THSD4: variants seen among roughly 807,000 people sequenced by gnomAD.
THSD4 encodes thrombospondin type-1 domain-containing protein 4.
In THSD4, 69 loss-of-function variants were observed where a neutral mutation model predicts 119.0. The ratio of observed to expected loss-of-function variants is 0.58; its 90% confidence interval spans 0.48 to 0.71. The LOEUF (loss-of-function observed/expected upper bound fraction) is 0.71, where lower values mean the gene tolerates loss of function less well. Among genes scored for constraint, THSD4 ranks in the 30% least tolerant of loss-of-function variants. The pLI, the probability that THSD4 is intolerant of heterozygous loss-of-function variation, is 0.00. For synonymous variants in THSD4, 524 were observed against 540.4 expected, an observed-to-expected ratio of 0.97 and a Z score of 0.42; for missense variants, 1,393 against 1,391.1, an observed-to-expected ratio of 1.00 and a Z score of -0.02.
Position 71,180,163 on chromosome 15 carries a change from A to T in THSD4, c.99+25231A>T, listed in dbSNP as rs8042573. 6.5e-4 allele frequency among the ~76,000 whole-genome samples: 17 copies of T among 26,002 alleles called. No individual in the cohort carries two copies. In the South Asian group the frequency reaches 0.02, roughly 30 times the overall value. 17.1% of individuals were successfully genotyped at this position (26,002 alleles called of 152,430 possible). A position where few individuals can be genotyped will look rare whatever the true frequency, so the allele number is the denominator to read the frequency against. On this transcript the variant is annotated intron_variant, in intron 3 of 17. Coordinates refer to ENST00000261862, the MANE Select transcript of THSD4 (RefSeq NM_024817.3). ...ATAATAAAAAAAAAACATTAAAAAAAAAAAAAATAAAAAAAAAAAAAGACA... is the reference window on the plus strand; with the variant it reads ...ATAATAAAAAAAAAACATTAAAAAATAAAAAAATAAAAAAAAAAAAAGACA...
At chr15:71,326,017 G>A (rs958409780) in intron 6 of THSD4, among the ~76,000 whole-genome samples, 2 of 152,088 alleles carry the variant, frequency 1.3e-5, no homozygotes, top group African/African-American at 4.8e-5. Flanking sequence ...TGTTGCATTC[G>A]AGTAGAGCAA....
At chr15:71,371,380 T>G (rs1005279346) in intron 6 of THSD4, among the ~76,000 whole-genome samples, 49 of 152,222 alleles carry the variant, frequency 3.2e-4, no homozygotes, top group Admixed American at 6.5e-5. Context: ...GCATCGATGG[T>G]CTTTACATTT....
chr15:71,475,942 C>G (rs1045379640), intron 7 of THSD4, among the ~76,000 whole-genome samples: 24 of 151,930 alleles, frequency 1.6e-4, no homozygotes, highest in African/African-American at 5.8e-4. Context: ...AAAAAAAATT[C>G]TTTATTTTTT....
At chr15:71,154,827 C>A (rs1308569665) in intron 2 of THSD4, 36 bp from the exon 3 acceptor site, 2 of 1,607,022 alleles carry the variant, frequency 1.2e-6, no homozygotes, top group Non-Finnish European at 1.7e-6. Flanking sequence ...CTGGAACATA[C>A]TCACCATCCT....
At chr15:71,630,766 G>A (rs1257928953) in intron 7 of THSD4, among the ~76,000 whole-genome samples, 2 of 152,188 alleles carry the variant, frequency 1.3e-5, no homozygotes, top group African/African-American at 4.8e-5. Flanking sequence ...GCACCAGTGT[G>A]TGTCTCTGGT....
chr15:71,404,985 T>G (rs2046586654), intron 6 of THSD4, among the ~76,000 whole-genome samples: 1 of 151,824 alleles, frequency 6.6e-6, no homozygotes, highest in South Asian at 2.1e-4. Flanking sequence ...GCCTCCCGGG[T>G]TCAAGCAGTT....
At chr15:71,734,793 C>G (rs2053049127) in intron 10 of THSD4, among the ~76,000 whole-genome samples, 1 of 147,660 alleles carries the variant, frequency 6.8e-6, no homozygotes, top group Non-Finnish European at 1.5e-5. Flanking sequence ...TGCTGTGAAC[C>G]TAAAACTGCT....
chr15:71,771,259 T>C, intron 17 of THSD4, 51 bp downstream of exon 17: 1 of 1,604,596 alleles, frequency 6.2e-7, no homozygotes, highest in Non-Finnish European at 8.5e-7. Flanking sequence ...TTTAAGCTTG[T>C]CAGATTCTCC....
At chr15:71,259,093 A>G (rs1480308352) in intron 6 of THSD4, among the ~76,000 whole-genome samples, 1 of 151,974 alleles carries the variant, frequency 6.6e-6, no homozygotes, top group Non-Finnish European at 1.5e-5. Flanking sequence ...AGCCTGGACA[A>G]CAAGAGTGCA....
At chr15:71,674,187 G>T (rs2051592218) in intron 8 of THSD4, among the ~76,000 whole-genome samples, 2 of 152,196 alleles carry the variant, frequency 1.3e-5, no homozygotes, top group South Asian at 4.1e-4. Context: ...GCTGCATCCA[G>T]TGGTCTAAGT....
intron 3 of THSD4, among the ~76,000 whole-genome samples, chr15:71,196,597 G>C (rs534760736): frequency 1.3e-5 from 2 of 152,304 alleles, no homozygotes; most frequent in South Asian, 4.1e-4. Context: ...TATCATAGGA[G>C]GAGGTGCTCT....
At chr15:71,523,677 G>A (rs2048475410) in intron 7 of THSD4, among the ~76,000 whole-genome samples, 2 of 152,250 alleles carry the variant, frequency 1.3e-5, no homozygotes, top group South Asian at 2.1e-4. Flanking sequence ...AATAAGGAAC[G>A]ACCACAGCAG....
intron 8 of THSD4, among the ~76,000 whole-genome samples, chr15:71,667,928 G>T (rs1309315831): frequency 6.6e-6 from 1 of 152,122 alleles, no homozygotes; most frequent in Admixed American, 6.5e-5. Context: ...CCAATAAATA[G>T]CTATTTTCTA....
intron 3 of THSD4, among the ~76,000 whole-genome samples, chr15:71,180,154 AT>A (rs1202780649): frequency 2.7e-3 from 107 of 40,058 alleles, no homozygotes; most frequent in African/African-American, 4.2e-3. Context: ...AAAAAAAAAC[AT>A]TAAAAAAAAA....
intron 4 of THSD4, among the ~76,000 whole-genome samples, chr15:71,232,861 A>G (rs1888242610): frequency 6.6e-6 from 1 of 152,240 alleles, no homozygotes; most frequent in Non-Finnish European, 1.5e-5. Context: ...AGGGCTGTGC[A>G]TAGAAAGACA....
chr15:71,297,314 TC>T (rs2044876313), intron 6 of THSD4, among the ~76,000 whole-genome samples: 2 of 100,104 alleles, frequency 2.0e-5, no homozygotes, highest in South Asian at 6.8e-4. Context: ...GCTCTCCTCT[TC>T]TTTTTTTTGT....
chr15:71,650,404 G>A (rs1171516398), intron 7 of THSD4, among the ~76,000 whole-genome samples: 5 of 152,234 alleles, frequency 3.3e-5, no homozygotes, highest in African/African-American at 7.2e-5. Flanking sequence ...CCTGGGAAGC[G>A]GTGCAAGACT....
intron 4 of THSD4, among the ~76,000 whole-genome samples, chr15:71,218,184 G>A (rs1446307184): frequency 6.6e-6 from 1 of 152,172 alleles, no homozygotes; most frequent in African/African-American, 2.4e-5. Context: ...CCAGGCCATC[G>A]TGGCTCTAAG....
chr15:71,201,356 G>A (rs910061271), intron 3 of THSD4, among the ~76,000 whole-genome samples: 2 of 152,158 alleles, frequency 1.3e-5, no homozygotes, highest in African/African-American at 4.8e-5. Context: ...CAGGCTCAGG[G>A]TGTGGATTAA....
Sources: allele counts gnomAD v4.1 joint callset (sites outside exome capture counted in the v4.1 genomes callset), GRCh38; gene constraint gnomAD v4.1.1; transcripts MANE v1.5; gene names NCBI Gene and HGNC (gene_info 2026-07-23, HGNC 2026-07-21).